CEP63: variants seen among roughly 807,000 people sequenced by gnomAD.
CEP63 encodes centrosomal protein 63.
A neutral mutation model predicts 89.1 loss-of-function variants in CEP63; 84 were observed. That is an observed-to-expected ratio of 0.94 (90% CI 0.79 to 1.13). The LOEUF (loss-of-function observed/expected upper bound fraction) is 1.13. CEP63 is among the 50% of genes most tolerant of loss of function. The pLI is 0.00. For missense variants in CEP63, 838 were observed against 813.3 expected, an observed-to-expected ratio of 1.03 and a Z score of -0.37; for synonymous variants, 267 against 272.5, an observed-to-expected ratio of 0.98 and a Z score of 0.20.
the CEP63 span, among the ~76,000 whole-genome samples, chr3:134,605,969 G>A: frequency 6.6e-6 from 1 of 152,136 alleles, no homozygotes; most frequent in South Asian, 2.1e-4. Flanking sequence ...TTGTCTACAT[G>A]CTTTCTCTAC....
At chr3:134,574,162 A>G (rs1296762815) in intron 11 of CEP63, among the ~76,000 whole-genome samples, 1 of 152,206 alleles carries the variant, frequency 6.6e-6, no homozygotes, top group Non-Finnish European at 1.5e-5. Context: ...CTATAGCACT[A>G]TTGGAGGAGC....
intron 3 of CEP63, among the ~76,000 whole-genome samples, chr3:134,524,654 T>G (rs1559938913): frequency 1.3e-5 from 2 of 152,190 alleles, no homozygotes; most frequent in Admixed American, 1.3e-4. Context: ...GGTTTTTGGC[T>G]TTAGTTCTGT....
chr3:134,770,202 G>A, the CEP63 span, among the ~76,000 whole-genome samples: 1 of 152,222 alleles, frequency 6.6e-6, no homozygotes, highest in African/African-American at 2.4e-5. Context: ...TGGGAAGAGG[G>A]TAACAATTCC....
chr3:134,600,748 C>G, the CEP63 span: 2 of 152,248 alleles, frequency 1.3e-5, no homozygotes, highest in African/African-American at 4.8e-5. Context: ...ATGTCAAGTG[C>G]TTCTGTTTCA....
chr3:134,589,118 C>T (rs139442419), downstream of CEP63, among the ~76,000 whole-genome samples: 512 of 152,134 alleles, frequency 3.4e-3, 2 homozygotes, highest in Middle Eastern at 6.8e-3. Flanking sequence ...TGAATGTTTC[C>T]AAATATTTAA....
the CEP63 span, among the ~76,000 whole-genome samples, chr3:134,751,933 T>A: frequency 6.6e-6 from 1 of 152,098 alleles, no homozygotes; most frequent in Non-Finnish European, 1.5e-5. Context: ...GCTCATTGGT[T>A]TTATTGGAGT....
the CEP63 span, among the ~76,000 whole-genome samples, chr3:134,669,011 C>T: frequency 6.6e-6 from 1 of 151,794 alleles, no homozygotes; most frequent in Non-Finnish European, 1.5e-5. Context: ...GGGCAGTATG[C>T]TTCCTTCTTC....
chr3:134,550,304 A>G, intron 11 of CEP63, 44 bp downstream of exon 11: 4 of 1,552,682 alleles, frequency 2.6e-6, no homozygotes, highest in Non-Finnish European at 3.5e-6. Flanking sequence ...AATTTGTTTT[A>G]AAGATGGAGT....
intron 3 of CEP63, among the ~76,000 whole-genome samples, chr3:134,528,598 T>TGGTGG (rs1361817867): frequency 4.3e-5 from 3 of 70,084 alleles, no homozygotes; most frequent in African/African-American, 1.3e-4. Context: ...GTGTGTGGTG[T>TGGTGG]TTTGAGGGTT....
chr3:134,508,288 G>C (rs936924193), intron 3 of CEP63, among the ~76,000 whole-genome samples: 1 of 152,194 alleles, frequency 6.6e-6, no homozygotes, highest in East Asian at 1.9e-4. Context: ...AAAGTTTTCT[G>C]CTAATGCTGT....
the CEP63 span, among the ~76,000 whole-genome samples, chr3:134,779,082 T>C: frequency 4.4e-4 from 67 of 152,360 alleles, no homozygotes; most frequent in Admixed American, 8.5e-4. Flanking sequence ...ACATTTAATA[T>C]TAGTGAACAT....
the CEP63 span, chr3:134,603,816 T>C: frequency 6.2e-7 from 1 of 1,613,760 alleles, no homozygotes; most frequent in East Asian, 2.2e-5. Context: ...CTGACAGAGG[T>C]TCCAGCAGCT....
chr3:134,591,121 T>C (rs193220381), downstream of CEP63, among the ~76,000 whole-genome samples: 5 of 152,320 alleles, frequency 3.3e-5, no homozygotes, highest in African/African-American at 1.2e-4. Flanking sequence ...AATGTTCTTA[T>C]TCTACTCTCA....
At chr3:134,487,462 G>A (rs1935991134) in intron 1 of CEP63, among the ~76,000 whole-genome samples, 1 of 152,170 alleles carries the variant, frequency 6.6e-6, no homozygotes, top group African/African-American at 2.4e-5. Flanking sequence ...ATTTCCTCTC[G>A]TTAAAATGGT....
At chr3:134,647,358 A>G in the CEP63 span, 39 of 1,205,388 alleles carry the variant, frequency 3.2e-5, no homozygotes, top group Non-Finnish European at 4.6e-5. Flanking sequence ...CTAGTCTTCA[A>G]ATGAGTGAAA....
the CEP63 span, among the ~76,000 whole-genome samples, chr3:134,724,849 G>GA: frequency 2.6e-5 from 4 of 152,088 alleles, no homozygotes; most frequent in Admixed American, 1.3e-4. Flanking sequence ...GCTCATATAT[G>GA]AAAAAACTTG....
chr3:134,617,286 A>G, the CEP63 span, among the ~76,000 whole-genome samples: 560 of 152,324 alleles, frequency 3.7e-3, 4 homozygotes, highest in African/African-American at 0.012. Context: ...GCACAAATGG[A>G]GCTAAGAGAC....
At chr3:134,608,525 A>G in the CEP63 span, 1 of 1,588,300 alleles carries the variant, frequency 6.3e-7, no homozygotes, top group South Asian at 1.1e-5. Context: ...GCTTTGTGCT[A>G]AGCTCACAAG....
downstream of CEP63, among the ~76,000 whole-genome samples, chr3:134,575,802 G>A (rs1343721913): frequency 6.6e-6 from 1 of 151,956 alleles, no homozygotes; most frequent in African/African-American, 2.4e-5. Flanking sequence ...TTGTAGAGAT[G>A]GGGTTTCCCT....
Sources: allele counts gnomAD v4.1 joint callset (sites outside exome capture counted in the v4.1 genomes callset), GRCh38; gene constraint gnomAD v4.1.1; transcripts MANE v1.5; gene names NCBI Gene and HGNC (gene_info 2026-07-23, HGNC 2026-07-21).